Variants in AFG1L observed in about 807,000 individuals in gnomAD.
The protein encoded by AFG1L is AFG1 like ATPase.
Under a neutral mutation model 62.2 loss-of-function variants are expected in AFG1L, and 53 were observed. The observed-to-expected ratio is 0.85, with a 90% confidence interval of 0.68 to 1.07. AFG1L has a LOEUF of 1.07. Ranked by LOEUF, AFG1L falls within the 50% of genes least tolerant of loss-of-function variation. AFG1L has a pLI of 0.00. For missense variants in AFG1L, 555 were observed against 590.5 expected (o/e 0.94, Z 0.62); for synonymous variants, 228 against 210.3 (o/e 1.08, Z -0.73).
intron 6 of AFG1L, among the ~76,000 whole-genome samples, chr6:108,373,548 C>G (rs1780107929): frequency 6.6e-6 from 1 of 151,248 alleles, no homozygotes; most frequent in African/African-American, 2.4e-5. Flanking sequence ...TGGATAGACA[C>G]CCAGTAATGG....
At chr6:108,331,059 G>T (rs1452774089) in intron 2 of AFG1L, among the ~76,000 whole-genome samples, 2 of 152,064 alleles carry the variant, frequency 1.3e-5, no homozygotes, top group Non-Finnish European at 2.9e-5. Context: ...AGGCTGAGAT[G>T]GGAGGATTGC....
rs374314718 is a variant in AFG1L, at chr6:108,401,976, A to G, written c.749-20A>G. On this transcript the variant is annotated intron_variant, in intron 6 of 12. Transcript: ENST00000368977. ...ATGATTTAGGCTAAGCAAAAAACTA[A>G]TATCATTTTTTTCTTTCAGATCTCT... The G allele has an allele frequency of 3.1e-5, 37 of 1,204,736 alleles. 1 individual carries two copies. The highest frequency in any genetic ancestry group is 2.2e-4 in the South Asian group (16 of 71,568). 74.6% of individuals were successfully genotyped at this position (1,204,736 alleles called of 1,614,324 possible). A position where few individuals can be genotyped will look rare whatever the true frequency, so the allele number is the denominator to read the frequency against.
At position 108,397,045 on chromosome 6, in the gene AFG1L, T is replaced by C. The variant is rs532444564; in HGVS notation, c.749-4951T>C. 2.0e-5 allele frequency among the ~76,000 whole-genome samples: 3 copies of C among 152,318 alleles called. No individual in the cohort carries two copies. The East Asian group carries it at 5.8e-4, about 29-fold the overall frequency. On this transcript the variant is annotated intron_variant, in intron 6 of 12. Transcript: ENST00000368977. ...ATTCTTTTTTGTTTTTGTTTGTTTT[T>C]TGAGACAAAGTCTTGCTCTGTTGCC...
chr6:108,368,152 T>C (rs893448861), intron 6 of AFG1L, among the ~76,000 whole-genome samples: 16 of 152,262 alleles, frequency 1.1e-4, no homozygotes, highest in African/African-American at 3.8e-4. Flanking sequence ...TGAAGTATTT[T>C]TTATTTTTAT....
At chr6:108,329,977 T>C (rs1778204821) in intron 2 of AFG1L, among the ~76,000 whole-genome samples, 1 of 152,046 alleles carries the variant, frequency 6.6e-6, no homozygotes, top group Non-Finnish European at 1.5e-5. Context: ...AATGGATTAA[T>C]GGATTATCAT....
rs1224644474 is a variant in AFG1L, at chr6:108,525,611, A to G, written c.*3186A>G. On this transcript the variant is annotated 3_prime_UTR_variant, in exon 13 of 13. Transcript: ENST00000368977. ...ACATGATGTTTTCTGTGTCCTGGGC[A>G]TGGTTCTATGTGCTTTATAAATAAA... 1 of 152,200 alleles carries G rather than the reference A, an allele frequency of 6.6e-6. No individual in the cohort carries two copies. The highest frequency in any genetic ancestry group is 1.5e-5 in the Non-Finnish European group (1 of 68,034). 9.4% of individuals were successfully genotyped at this position (152,200 alleles called of 1,614,324 possible).
intron 7 of AFG1L, among the ~76,000 whole-genome samples, chr6:108,429,570 A>G (rs1388809684): frequency 6.6e-6 from 1 of 152,182 alleles, no homozygotes; most frequent in Non-Finnish European, 1.5e-5. Context: ...ACTTTGTCAA[A>G]GATCAGCTAG....
chr6:108,453,285 T>G (rs1443738878), intron 8 of AFG1L, among the ~76,000 whole-genome samples: 2 of 148,640 alleles, frequency 1.3e-5, no homozygotes, highest in Non-Finnish European at 3.0e-5. Context: ...TATTCACATA[T>G]TTGTGCTTGG....
At chr6:108,426,759 A>G (rs1770832674) in intron 7 of AFG1L, among the ~76,000 whole-genome samples, 1 of 152,072 alleles carries the variant, frequency 6.6e-6, no homozygotes. Context: ...ATAGGCTAAC[A>G]AATGCCAACA....
At chr6:108,404,573 A>T (rs1781769260) in intron 7 of AFG1L, among the ~76,000 whole-genome samples, 1 of 151,684 alleles carries the variant, frequency 6.6e-6, no homozygotes, top group Non-Finnish European at 1.5e-5. Context: ...CTTTATTCTC[A>T]TATTTTTTTT....
chr6:108,348,231 A>C (rs1400128783), intron 3 of AFG1L, among the ~76,000 whole-genome samples: 2 of 152,112 alleles, frequency 1.3e-5, no homozygotes, highest in Non-Finnish European at 1.5e-5. Context: ...GGTGTCTGCC[A>C]CCATGCCCGG....
chr6:108,402,190 C>T, intron 7 of AFG1L, 136 bp downstream of exon 7: 1 of 443,254 alleles, frequency 2.3e-6, no homozygotes, highest in Non-Finnish European at 4.0e-6. Context: ...AGGGGCCGGG[C>T]ACGGTGGCTC....
At chr6:108,522,021 G>GTT in intron 12 of AFG1L, 11 of 235,972 alleles carry the variant, frequency 4.7e-5, no homozygotes, top group South Asian at 1.1e-4. Context: ...AGAACTACTG[G>GTT]TTTTTTTTTT....
At chr6:108,310,444 C>T (rs1372586854) in intron 1 of AFG1L, among the ~76,000 whole-genome samples, 2 of 151,986 alleles carry the variant, frequency 1.3e-5, no homozygotes, top group South Asian at 2.1e-4. Context: ...ATCCTTTGTC[C>T]ATTTAAAAAT....
chr6:108,328,590 A>T (rs1312144199), intron 2 of AFG1L, among the ~76,000 whole-genome samples: 39 of 150,502 alleles, frequency 2.6e-4, no homozygotes, highest in African/African-American at 8.1e-4. Flanking sequence ...TTTAATAGAG[A>T]TGGGGTTTTG....
intron 6 of AFG1L, among the ~76,000 whole-genome samples, chr6:108,391,170 G>A (rs1252446316): frequency 6.6e-6 from 1 of 152,188 alleles, no homozygotes; most frequent in Non-Finnish European, 1.5e-5. Context: ...TGGGATTGCT[G>A]GATCAAATGG....
intron 5 of AFG1L, among the ~76,000 whole-genome samples, chr6:108,357,201 G>GCTTC (rs56082198): frequency 0.99 from 150,782 of 152,204 alleles, 74,696 homozygotes; most frequent in East Asian, 1. Context: ...TCCCGCCTCA[G>GCTTC]CTGAGTAGCT....
At chr6:108,419,834 A>G (rs911588986) in intron 7 of AFG1L, among the ~76,000 whole-genome samples, 1 of 152,196 alleles carries the variant, frequency 6.6e-6, no homozygotes, top group Non-Finnish European at 1.5e-5. Flanking sequence ...GTAAACTAGA[A>G]TATTCCCATG....
chr6:108,457,449 A>G (rs1363234709), intron 8 of AFG1L, among the ~76,000 whole-genome samples: 3 of 151,840 alleles, frequency 2.0e-5, no homozygotes, highest in Admixed American at 6.6e-5. Context: ...AACCTATAGT[A>G]TACTTCCATT....
Sources: gnomAD v4.1 joint callset for allele counts (sites outside exome capture counted in the v4.1 genomes callset) on GRCh38, gnomAD v4.1.1 for gene constraint, MANE v1.5 for transcripts, NCBI Gene and HGNC (gene_info 2026-07-23, HGNC 2026-07-21) for gene names.